The following PNPT1 variants were observed in gnomAD, a reference collection of about 807,000 sequenced individuals.
PNPT1 encodes polyribonucleotide nucleotidyltransferase 1.
PNPT1 carries 53 observed loss-of-function variants against 119.5 expected under a neutral mutation model. That is an observed-to-expected ratio of 0.44 (90% CI 0.36 to 0.56). The LOEUF is 0.56. Ranked by LOEUF, PNPT1 falls within the 20% of genes least tolerant of loss-of-function variation. PNPT1 has a pLI of 0.00. For synonymous variants in PNPT1, 357 were observed against 322.1 expected, an observed-to-expected ratio of 1.11 and a Z score of -1.16; for missense variants, 948 against 938.5, an observed-to-expected ratio of 1.01 and a Z score of -0.13.
Position 55,667,728 on chromosome 2 carries a change from T to A in PNPT1, c.1073+134A>T, listed in dbSNP as rs1572819186. On this transcript the variant is annotated intron_variant, in intron 12 of 27. Transcript: ENST00000447944. ...GTACTTTTTCTTCAATAGGTGTCCA[T>A]TTATATAGCAAATATTATAATTCTT... The A allele has an allele frequency of 4.1e-6, 5 of 1,219,808 alleles. No homozygotes were observed. In the East Asian group the frequency reaches 1.4e-4, roughly 33 times the overall value. The allele number at this position is 1,219,808 out of a possible 1,614,324, so 75.6% of individuals were successfully genotyped here. A position where few individuals can be genotyped will look rare whatever the true frequency, so the allele number is the denominator to read the frequency against.
At chr2:55,655,052 C>CA in intron 17 of PNPT1, 99 bp from the exon 18 acceptor site, 1 of 1,126,292 alleles carries the variant, frequency 8.9e-7, no homozygotes, top group East Asian at 2.6e-5. Flanking sequence ...AGTTACAATA[C>CA]AAATATTCAA....
chr2:55,660,757 G>A (rs935960028), intron 14 of PNPT1, among the ~76,000 whole-genome samples: 2 of 152,208 alleles, frequency 1.3e-5, no homozygotes, highest in East Asian at 1.9e-4. Context: ...CAGTGTGGCT[G>A]AGTGATGATG....
intron 5 of PNPT1, among the ~76,000 whole-genome samples, chr2:55,681,690 C>T (rs906059733): frequency 2.0e-5 from 3 of 151,566 alleles, no homozygotes; most frequent in African/African-American, 7.3e-5. Context: ...ACTAAAAATA[C>T]AAAAATTAGC....
Position 55,680,622 on chromosome 2 carries a change from G to A in PNPT1, c.565+90C>T, listed in dbSNP as rs17744399. ...CAATTCATGAAGAGGTAATAAATCA[G>A]AGCCATATGCCATTGCTGTAACATG... On this transcript the variant is annotated intron_variant, in intron 7 of 27. Coordinates refer to ENST00000447944, the MANE Select transcript of PNPT1 (RefSeq NM_033109.5). 0.049 allele frequency: 57,567 copies of A among 1,181,814 alleles called. 1,686 individuals are homozygous for A. The highest frequency in any genetic ancestry group is 0.072 in the South Asian group (5,367 of 74,196). 73.2% of individuals were successfully genotyped at this position (1,181,814 alleles called of 1,614,324 possible). A position where few individuals can be genotyped will look rare whatever the true frequency, so the allele number is the denominator to read the frequency against.
At chr2:55,659,798 G>C (rs1276954918) in intron 15 of PNPT1, among the ~76,000 whole-genome samples, 1 of 152,068 alleles carries the variant, frequency 6.6e-6, no homozygotes, top group African/African-American at 2.4e-5. Context: ...GATAAAACTA[G>C]AAAAGTAAAA....
rs753703594 is a variant in PNPT1, at chr2:55,646,243, A to G, written c.1738+16T>C. The G allele has an allele frequency of 9.4e-6, 15 of 1,602,212 alleles. No homozygotes were observed. Among genetic ancestry groups the G allele is most frequent in the Non-Finnish European group, 1.3e-5 (15 of 1,171,504 alleles). On this transcript the variant is annotated intron_variant, in intron 21 of 27. Coordinates refer to ENST00000447944, the MANE Select transcript of PNPT1 (RefSeq NM_033109.5). The stretch of plus-strand genomic sequence containing the variant: ...AGTGGAAAAGAATGAAGGGAGAATC[A>G]AGCACACTAGCTCACCTGAAGCTTG...
chr2:55,681,843 T>TC (rs1697258248), intron 5 of PNPT1, among the ~76,000 whole-genome samples: 1 of 24,170 alleles, frequency 4.1e-5, no homozygotes, highest in African/African-American at 2.2e-4. Context: ...AAACTCCATT[T>TC]CAAAAAAAAA....
At chr2:55,654,162 C>T (rs1007916472) in intron 18 of PNPT1, among the ~76,000 whole-genome samples, 2 of 149,108 alleles carry the variant, frequency 1.3e-5, no homozygotes, top group African/African-American at 4.9e-5. Flanking sequence ...GAGGCTGAGG[C>T]AGAAGAATCA....
chr2:55,645,521 A>C (rs979054547), intron 21 of PNPT1, 89 bp from the exon 22 acceptor site: 32 of 793,076 alleles, frequency 4.0e-5, no homozygotes, highest in Non-Finnish European at 5.9e-5. Context: ...ATACAATCTA[A>C]ACCCTGTAGC....
At chr2:55,653,166 C>T (rs1553495821) in intron 18 of PNPT1, among the ~76,000 whole-genome samples, 8 of 152,184 alleles carry the variant, frequency 5.3e-5, no homozygotes. Flanking sequence ...TTCTAAACTA[C>T]TTATAAACCA....
At chr2:55,665,600 G>T (rs1453929297) in intron 13 of PNPT1, among the ~76,000 whole-genome samples, 3 of 152,108 alleles carry the variant, frequency 2.0e-5, no homozygotes, top group Non-Finnish European at 2.9e-5. Flanking sequence ...TCATAAAAGG[G>T]CAAACCTGAG....
rs956729622 is a variant in PNPT1, at chr2:55,693,539, G to C, written c.161+124C>G. The C allele has an allele frequency of 1.4e-4, 190 of 1,379,466 alleles. 1 individual carries two copies. In the African/African-American group the frequency reaches 2.4e-3, roughly 17 times the overall value. 85.5% of individuals were successfully genotyped at this position (1,379,466 alleles called of 1,614,324 possible). A position where few individuals can be genotyped will look rare whatever the true frequency, so the allele number is the denominator to read the frequency against. ...CCGGAAAGGGAAATTTGGAATTTAG[G>C]TTTAGGGTAAGGAGAGATTAAATAG... On this transcript the variant is annotated intron_variant, in intron 1 of 27. Transcript: ENST00000447944.
intron 8 of PNPT1, 41 bp downstream of exon 8, chr2:55,679,641 A>C (rs760493201): frequency 7.3e-7 from 1 of 1,371,576 alleles, no homozygotes. Flanking sequence ...CAGAACTTGT[A>C]AGTAAAATCC....
intron 27 of PNPT1, among the ~76,000 whole-genome samples, chr2:55,637,167 A>G (rs1047430414): frequency 2.6e-5 from 4 of 152,222 alleles, no homozygotes; most frequent in African/African-American, 9.6e-5. Context: ...GCTCTTACCA[A>G]GCTCAAAAAC....
At chr2:55,666,554 C>G (rs1172298942) in intron 13 of PNPT1, among the ~76,000 whole-genome samples, 1 of 152,170 alleles carries the variant, frequency 6.6e-6, no homozygotes, top group African/African-American at 2.4e-5. Context: ...AAAAAACACA[C>G]CAAAGGCCAG....
At position 55,673,611 on chromosome 2, in the gene PNPT1, G is replaced by C. The variant is rs1696979359; in HGVS notation, c.680-532C>G. On this transcript the variant is annotated intron_variant, in intron 8 of 27. Coordinates refer to ENST00000447944, the MANE Select transcript of PNPT1 (RefSeq NM_033109.5). ...CTACAGGCGCCCGCCACCATGCCCA[G>C]CTAATTTTTTGTATTTTTAGTAGAC... 2.6e-5 allele frequency among the ~76,000 whole-genome samples: 4 copies of C among 151,858 alleles called. No individual in the cohort carries two copies. In the South Asian group the frequency reaches 8.3e-4, roughly 31 times the overall value.
chr2:55,645,985 G>A (rs991182227), intron 21 of PNPT1, among the ~76,000 whole-genome samples: 2 of 151,886 alleles, frequency 1.3e-5, no homozygotes, highest in African/African-American at 4.8e-5. Flanking sequence ...GCACCACCAT[G>A]CCCGGCTAAT....
At position 55,693,818 on chromosome 2, in the gene PNPT1, C is replaced by T; in HGVS notation, c.6G>A (p.Ala2=). The change falls in exon 1 of 28, where the codon GCG becomes GCA. Residue 2 remains alanine, a synonymous_variant. Transcript: ENST00000447944. Reference sequence around the variant, plus strand: ...GGCACGAGCAGCAGTACCTGCAGGCCGCCATGACACCCGGCACGCGGTCAA... The same window carrying T: ...GGCACGAGCAGCAGTACCTGCAGGCTGCCATGACACCCGGCACGCGGTCAA... The part of the protein sequence containing the change: M[A]ACRYCCSCLR... The T allele has an allele frequency of 1.2e-6, 2 of 1,613,500 alleles. No homozygotes were observed. The highest frequency in any genetic ancestry group is 1.7e-6 in the Non-Finnish European group (2 of 1,180,010).
chr2:55,647,656 A>C (rs1240090855), intron 18 of PNPT1, among the ~76,000 whole-genome samples: 1 of 151,650 alleles, frequency 6.6e-6, no homozygotes, highest in Non-Finnish European at 1.5e-5. Context: ...TATAGCTGGG[A>C]TTATAGGCAC....
Sources: gnomAD v4.1 joint callset for allele counts (sites outside exome capture counted in the v4.1 genomes callset) on GRCh38, gnomAD v4.1.1 for gene constraint, MANE v1.5 for transcripts, NCBI Gene and HGNC (gene_info 2026-07-23, HGNC 2026-07-21) for gene names.